The following XKRX variants were observed in gnomAD, a reference collection of about 807,000 sequenced individuals.
XKRX encodes XK-related protein 2.
In XKRX, 11 loss-of-function variants were observed where a neutral mutation model predicts 22.4. The ratio of observed to expected loss-of-function variants is 0.49; its 90% CI spans 0.31 to 0.81. The LOEUF (loss-of-function observed/expected upper bound fraction) is 0.81. XKRX is among the 40% of genes least tolerant of loss of function. The pLI, the probability that XKRX is intolerant of heterozygous loss-of-function variation, is 0.05. For synonymous variants in XKRX, 114 were observed against 132.2 expected (o/e 0.86, Z 0.94); for missense variants, 320 against 336.5 (o/e 0.95, Z 0.38).
At chrX:100,891,557 T>A in the XKRX span, among the ~76,000 whole-genome samples, 2 of 109,628 alleles carry the variant, frequency 1.8e-5, no homozygotes, top group Non-Finnish European at 3.8e-5. Context: ...CAATTGATAT[T>A]TAACAAAGGT....
At chrX:100,905,616 C>A in the XKRX span, among the ~76,000 whole-genome samples, 2 of 112,009 alleles carry the variant, frequency 1.8e-5, no homozygotes, top group Non-Finnish European at 3.8e-5. Flanking sequence ...TCTACCCCCC[C>A]ATATTGTTGG....
chrX:100,955,968 A>G, the XKRX span, among the ~76,000 whole-genome samples: 1 of 112,045 alleles, frequency 8.9e-6, no homozygotes, highest in East Asian at 2.8e-4. Flanking sequence ...AATGCCCATC[A>G]ATAATAGACT....
Position 100,922,788 on chromosome X carries a change from C to T in XKRX, c.604+5G>A. The T allele has an allele frequency of 8.3e-7, 1 of 1,207,546 alleles. No individual in the cohort carries two copies. The highest frequency in any genetic ancestry group is 1.1e-6 in the Non-Finnish European group (1 of 892,364). On this transcript the variant is annotated splice_donor_5th_base_variant and intron_variant, in intron 2 of 2. Transcript: ENST00000372956. ...GGAGCCCTCCCCTCTCCTGACCCCACTCACCTCTACCCAGGGGAACCTCTG... is the reference window on the plus strand; with the variant it reads ...GGAGCCCTCCCCTCTCCTGACCCCATTCACCTCTACCCAGGGGAACCTCTG...
At chrX:100,916,211 A>G (rs992409112) in intron 2 of XKRX, among the ~76,000 whole-genome samples, 8 of 111,300 alleles carry the variant, frequency 7.2e-5, no homozygotes, top group African/African-American at 2.6e-4. Context: ...CACATTGTAC[A>G]CCTTGAATAT....
the XKRX span, chrX:100,957,677 T>C: frequency 1.2e-5 from 5 of 404,717 alleles, no homozygotes; most frequent in Admixed American, 1.8e-4. Flanking sequence ...GCAGTTCAAC[T>C]TGATGAGAGA....
the XKRX span, among the ~76,000 whole-genome samples, chrX:100,939,607 A>G: frequency 8.9e-6 from 1 of 111,847 alleles, no homozygotes; most frequent in African/African-American, 3.3e-5. Context: ...ATTCCCAAGT[A>G]AGGCACCTGA....
chrX:100,901,111 G>A, the XKRX span, among the ~76,000 whole-genome samples: 1 of 111,162 alleles, frequency 9.0e-6, no homozygotes, highest in Non-Finnish European at 1.9e-5. Context: ...TTTTTAACGA[G>A]CTCCTTAAGT....
At chrX:100,921,610 A>T (rs2085472355) in intron 2 of XKRX, among the ~76,000 whole-genome samples, 1 of 111,090 alleles carries the variant, frequency 9.0e-6, no homozygotes. Context: ...AGATGAAGCA[A>T]ATCTCAGGCT....
At chrX:100,925,864 T>C (rs138878248) in intron 1 of XKRX, among the ~76,000 whole-genome samples, 78 of 111,948 alleles carry the variant, frequency 7.0e-4, no homozygotes, top group African/African-American at 2.4e-3. Context: ...CCATCCTGTG[T>C]TGTTGTTGTT....
chrX:100,947,913 T>TG, the XKRX span, among the ~76,000 whole-genome samples: 1 of 110,211 alleles, frequency 9.1e-6, no homozygotes, highest in African/African-American at 3.3e-5. Context: ...AATTTTTTTT[T>TG]TTTTTTGGAG....
At chrX:100,898,474 T>C in the XKRX span, among the ~76,000 whole-genome samples, 1 of 109,025 alleles carries the variant, frequency 9.2e-6, no homozygotes, top group Non-Finnish European at 1.9e-5. Flanking sequence ...ACAGCAGCCT[T>C]GGCAAGAGAT....
chrX:100,941,739 C>T, the XKRX span, among the ~76,000 whole-genome samples: 12 of 111,630 alleles, frequency 1.1e-4, no homozygotes, highest in African/African-American at 3.9e-4. Context: ...CATATTCTCC[C>T]TATAAACATT....
At chrX:100,938,130 C>T in the XKRX span, among the ~76,000 whole-genome samples, 5 of 111,830 alleles carry the variant, frequency 4.5e-5, no homozygotes, top group African/African-American at 1.6e-4. Context: ...TTAGTAGTGT[C>T]CAGAGCAGCA....
the XKRX span, among the ~76,000 whole-genome samples, chrX:100,900,281 G>A: frequency 3.6e-5 from 4 of 110,123 alleles, no homozygotes; most frequent in East Asian, 2.9e-4. Context: ...GGCTGGTCTC[G>A]AACTCCTAGG....
chrX:100,916,312 A>G (rs772021641), intron 2 of XKRX, among the ~76,000 whole-genome samples: 1 of 112,371 alleles, frequency 8.9e-6, no homozygotes, highest in African/African-American at 3.2e-5. Context: ...CAGTTTTAGA[A>G]ATCTTTTTCT....
the XKRX span, among the ~76,000 whole-genome samples, chrX:100,952,725 A>C: frequency 8.9e-6 from 1 of 112,239 alleles, no homozygotes; most frequent in African/African-American, 3.2e-5. Flanking sequence ...CCAATCTCAA[A>C]AGATTCCATT....
At chrX:100,923,604 A>T (rs1257905097) in intron 1 of XKRX, among the ~76,000 whole-genome samples, 1 of 111,997 alleles carries the variant, frequency 8.9e-6, no homozygotes, top group African/African-American at 3.2e-5. Flanking sequence ...TTTCAGAAGT[A>T]CTTGTTTGAG....
At chrX:100,925,986 C>T (rs1250905052) in intron 1 of XKRX, among the ~76,000 whole-genome samples, 1 of 111,894 alleles carries the variant, frequency 8.9e-6, no homozygotes, top group African/African-American at 3.2e-5. Context: ...GTCTGAATTC[C>T]AACATGGAAA....
downstream of XKRX, chrX:100,910,752 T>C (rs1382439128): frequency 8.1e-6 from 6 of 742,435 alleles, no homozygotes; most frequent in Non-Finnish European, 1.2e-5. Context: ...GTAAACGCTA[T>C]GGATATCGTT....
Sources: gnomAD v4.1 joint callset for allele counts (sites outside exome capture counted in the v4.1 genomes callset) on GRCh38, gnomAD v4.1.1 for gene constraint, MANE v1.5 for transcripts, NCBI Gene and HGNC (gene_info 2026-07-23, HGNC 2026-07-21) for gene names.